Variants in TRIM44 observed in about 807,000 individuals in gnomAD.
The protein encoded by TRIM44 is tripartite motif-containing protein 44.
TRIM44 carries 13 observed loss-of-function variants against 37.4 expected under a neutral mutation model. The ratio of observed to expected loss-of-function variants is 0.35; its 90% CI spans 0.23 to 0.55. The LOEUF is 0.55. TRIM44 is among the 20% of genes least tolerant of loss of function. The probability of loss-of-function intolerance (pLI) is 0.89; values close to 1 mark genes in which losing one functional copy is unlikely to be tolerated. For synonymous variants in TRIM44, 175 were observed against 157.2 expected (o/e 1.11, Z -0.85); for missense variants, 426 against 437.2 (o/e 0.97, Z 0.23).
At chr11:35,714,150 AT>A (rs1469136443) in intron 2 of TRIM44, among the ~76,000 whole-genome samples, 5 of 152,066 alleles carry the variant, frequency 3.3e-5, no homozygotes, top group Non-Finnish European at 7.4e-5. Context: ...AGGAAAGCTT[AT>A]TGGGGACTCT....
chr11:35,676,740 G>T (rs904975648), intron 1 of TRIM44, among the ~76,000 whole-genome samples: 6 of 152,190 alleles, frequency 3.9e-5, no homozygotes, highest in African/African-American at 1.2e-4. Flanking sequence ...ATTTTCCTCT[G>T]TGAATTTTGA....
chr11:35,754,277 G>C, intron 4 of TRIM44, among the ~76,000 whole-genome samples: 1 of 152,032 alleles, frequency 6.6e-6, no homozygotes, highest in Non-Finnish European at 1.5e-5. Flanking sequence ...GAGTAAACAG[G>C]GAATCATCTC....
chr11:35,771,552 C>T (rs1295101842), intron 4 of TRIM44, among the ~76,000 whole-genome samples: 2 of 151,980 alleles, frequency 1.3e-5, no homozygotes, highest in African/African-American at 2.4e-5. Context: ...AGTGAAACCC[C>T]CGTCTCTACT....
rs1481741853 is a variant in TRIM44, at chr11:35,815,924, GACTT to G, written c.*9544_*9547del. On this transcript the variant is annotated 3_prime_UTR_variant, in exon 5 of 5. Transcript: ENST00000299413. ...CTTCAGAAAAAGACAATTTTACAAT[GACTT>G]ACTTCTAATAATCACTGAAACAGCC... 1.3e-5 allele frequency: 2 copies of G among 152,116 alleles called. No individual in the cohort carries two copies. The highest frequency in any genetic ancestry group is 2.9e-5 in the Non-Finnish European group (2 of 68,040). 9.4% of individuals were successfully genotyped at this position (152,116 alleles called of 1,614,324 possible).
intron 1 of TRIM44, among the ~76,000 whole-genome samples, chr11:35,682,569 T>C (rs1180852056): frequency 4.6e-5 from 7 of 152,334 alleles, no homozygotes; most frequent in African/African-American, 1.4e-4. Flanking sequence ...ATTTAGAGAC[T>C]GAGTATAGCA....
chr11:35,737,664 T>C (rs1028390358), intron 4 of TRIM44, among the ~76,000 whole-genome samples: 23 of 151,990 alleles, frequency 1.5e-4, no homozygotes, highest in Non-Finnish European at 2.2e-4. Context: ...GGTGAAACCC[T>C]CTCTCTACCA....
chr11:35,712,004 A>G (rs942749537), intron 2 of TRIM44, among the ~76,000 whole-genome samples: 1 of 152,126 alleles, frequency 6.6e-6, no homozygotes, highest in Non-Finnish European at 1.5e-5. Flanking sequence ...GGCCATTGAT[A>G]CCTGTTTGAG....
chr11:35,798,804 A>G (rs979932781), intron 4 of TRIM44, among the ~76,000 whole-genome samples: 4 of 152,212 alleles, frequency 2.6e-5, no homozygotes, highest in African/African-American at 7.2e-5. Context: ...CAGACTGTGA[A>G]GGAGACTGTC....
chr11:35,697,441 G>A (rs553166113), intron 2 of TRIM44, among the ~76,000 whole-genome samples: 33 of 137,862 alleles, frequency 2.4e-4, no homozygotes, highest in East Asian at 9.3e-4. Flanking sequence ...TATGTGCCAC[G>A]TTTTCTTTTT....
chr11:35,757,997 T>C (rs1461609423), intron 4 of TRIM44, among the ~76,000 whole-genome samples: 1 of 152,238 alleles, frequency 6.6e-6, no homozygotes, highest in African/African-American at 2.4e-5. Flanking sequence ...TGGAGAGTTC[T>C]GTAGATGTCT....
rs112688346 is a variant in TRIM44, at chr11:35,715,404, ATG to A, written c.748-10495_748-10494del. ...TGAGCCTATATTATTCTCTCTGTGTATGTGTGTGTGTGTGTGTGTGTGTGTGG... is the reference window on the plus strand; with the variant it reads ...TGAGCCTATATTATTCTCTCTGTGTATGTGTGTGTGTGTGTGTGTGTGTGG... On this transcript the variant is annotated intron_variant, in intron 2 of 4. Transcript: ENST00000299413. 3.2e-3 allele frequency among the ~76,000 whole-genome samples: 457 copies of A among 143,976 alleles called. 3 individuals are homozygous for A. Among genetic ancestry groups the A allele is most frequent in the East Asian group, 0.019 (92 of 4,892 alleles). 94.5% of individuals were successfully genotyped at this position (143,976 alleles called of 152,430 possible). A position where few individuals can be genotyped will look rare whatever the true frequency, so the allele number is the denominator to read the frequency against.
chr11:35,668,969 TAGGC>T (rs564600443), intron 1 of TRIM44, among the ~76,000 whole-genome samples: 60 of 152,364 alleles, frequency 3.9e-4, no homozygotes, highest in African/African-American at 1.4e-3. Flanking sequence ...TTAAGAACTG[TAGGC>T]ATATTGATTG....
rs201187949 is a variant in TRIM44, at chr11:35,699,142, G to A, written c.747+13806G>A. On this transcript the variant is annotated intron_variant, in intron 2 of 4. Coordinates refer to ENST00000299413, the MANE Select transcript of TRIM44 (RefSeq NM_017583.6). Reference sequence around the variant, plus strand: ...GGGTTCTGTTCTGTTCCATTGGTCTGTATATCTGTTTTGGTACCAGTACCA... The same window carrying A: ...GGGTTCTGTTCTGTTCCATTGGTCTATATATCTGTTTTGGTACCAGTACCA... 2.2e-4 allele frequency among the ~76,000 whole-genome samples: 28 copies of A among 126,724 alleles called. 2 individuals carry two copies. Among genetic ancestry groups the A allele is most frequent in the African/African-American group, 6.7e-4 (23 of 34,352 alleles). The allele number at this position is 126,724 out of a possible 152,430, so 83.1% of individuals were successfully genotyped here. A position where few individuals can be genotyped will look rare whatever the true frequency, so the allele number is the denominator to read the frequency against.
rs922364810 is a variant in TRIM44, at chr11:35,731,860, C to CT, written c.988-3556dup. On this transcript the variant is annotated intron_variant, in intron 3 of 4. Coordinates refer to ENST00000299413, the MANE Select transcript of TRIM44 (RefSeq NM_017583.6). ...ATTTTAAACTTGAAACATATTTGTA[C>CT]TTTTTTTTTTATTCTGAGGCAAGGA... 2.9e-3 allele frequency among the ~76,000 whole-genome samples: 427 copies of CT among 148,014 alleles called. 2 individuals are homozygous for CT. The highest frequency in any genetic ancestry group is 6.7e-3 in the African/African-American group (270 of 40,446).
At position 35,764,372 on chromosome 11, in the gene TRIM44, T is replaced by C. The variant is rs1329850315; in HGVS notation, c.1007+28927T>C. 2.0e-5 allele frequency among the ~76,000 whole-genome samples: 3 copies of C among 152,310 alleles called. No individual in the cohort carries two copies. In the East Asian group the frequency reaches 5.8e-4, roughly 29 times the overall value. On this transcript the variant is annotated intron_variant, in intron 4 of 4. Transcript: ENST00000299413. ...CCAGACAGGTCTTTCTTTCAACTTCTCTTTCAGGTCACTTTTCCCCTGGGA... is the reference window on the plus strand; with the variant it reads ...CCAGACAGGTCTTTCTTTCAACTTCCCTTTCAGGTCACTTTTCCCCTGGGA...
intron 1 of TRIM44, among the ~76,000 whole-genome samples, chr11:35,671,457 T>C (rs1224291115): frequency 6.6e-6 from 1 of 152,242 alleles, no homozygotes; most frequent in Non-Finnish European, 1.5e-5. Context: ...TCACTAAATG[T>C]TAGCTCTTCT....
chr11:35,711,577 C>T (rs1197299960), intron 2 of TRIM44, among the ~76,000 whole-genome samples: 1 of 151,372 alleles, frequency 6.6e-6, no homozygotes, highest in Non-Finnish European at 1.5e-5. Flanking sequence ...TTAAGGAGAC[C>T]CCCCATCTCT....
chr11:35,738,538 C>T (rs1852354167), intron 4 of TRIM44, among the ~76,000 whole-genome samples: 1 of 152,064 alleles, frequency 6.6e-6, no homozygotes, highest in Non-Finnish European at 1.5e-5. Context: ...CTTTTTTAAC[C>T]TTTAAATTCC....
Position 35,811,042 on chromosome 11 carries a change from C to G in TRIM44, c.*4657C>G, listed in dbSNP as rs1422390664. The G allele has an allele frequency of 3.9e-5, 6 of 152,140 alleles. No individual in the cohort carries two copies. 9.4% of individuals were successfully genotyped at this position (152,140 alleles called of 1,614,324 possible). ...GCATTTGGAAATCAATAAACTATTA[C>G]TGGAAATGCCATTTGTCTCTCAGAG... On this transcript the variant is annotated 3_prime_UTR_variant, in exon 5 of 5. Transcript: ENST00000299413.
Sources: allele counts gnomAD v4.1 joint callset (sites outside exome capture counted in the v4.1 genomes callset), GRCh38; gene constraint gnomAD v4.1.1; transcripts MANE v1.5; gene names NCBI Gene and HGNC (gene_info 2026-07-23, HGNC 2026-07-21).